A1CF: variants seen among roughly 807,000 people sequenced by gnomAD.
The protein encoded by A1CF is APOBEC1 complementation factor, also known as APOBEC-1 stimulating protein.
A neutral mutation model predicts 68.9 loss-of-function variants in A1CF; 48 were observed. That is an observed-to-expected ratio of 0.70 (90% CI 0.55 to 0.89). The LOEUF (loss-of-function observed/expected upper bound fraction) is 0.89, where lower values mean the gene tolerates loss of function less well. A1CF is among the 40% of genes least tolerant of loss of function. The pLI is 0.00. For synonymous variants in A1CF, 272 were observed against 260.4 expected (o/e 1.04, Z -0.43); for missense variants, 653 against 718.9 (o/e 0.91, Z 1.05).
chr10:50,862,925 T>C (rs569428033), intron 2 of A1CF: 1 of 152,214 alleles, frequency 6.6e-6, no homozygotes, highest in Non-Finnish European at 1.5e-5. Flanking sequence ...TCTGGCCAAG[T>C]TGTAGATTTG....
intron 12 of A1CF, among the ~76,000 whole-genome samples, chr10:50,809,665 G>A (rs1373383554): frequency 6.6e-6 from 1 of 152,110 alleles, no homozygotes; most frequent in East Asian, 1.9e-4. Flanking sequence ...AGATCACACA[G>A]CAGTTTAAAG....
chr10:50,815,915 A>G, intron 9 of A1CF, 91 bp downstream of exon 9: 2 of 1,426,098 alleles, frequency 1.4e-6, no homozygotes, highest in Non-Finnish European at 1.9e-6. Context: ...GCTTTTCTCC[A>G]AGTGGACCCA....
chr10:50,816,185 G>C lies in A1CF; in HGVS notation c.962C>G (p.Thr321Ser), dbSNP rs771671970. 28 of 1,613,636 alleles carry C rather than the reference G, an allele frequency of 1.7e-5. No individual in the cohort carries two copies. The Admixed American group carries it at 3.7e-4, about 21-fold the overall frequency. ...RYTRGTGGRG[T>S]MLQGEYTYSL... ...GTAGGTATACTCTCCTTGCAGCATG[G>C]TGCCCCTTCCACCTGTGCCTCGGGT... The change falls in exon 9 of 13, where the codon ACC (threonine) becomes AGC (serine). Residue 321 changes from threonine (T) to serine (S), a missense_variant. Coordinates refer to ENST00000373997, the MANE Select transcript of A1CF (RefSeq NM_014576.4).
At chr10:50,834,534 T>C (rs1220210327) in intron 6 of A1CF, among the ~76,000 whole-genome samples, 1 of 152,180 alleles carries the variant, frequency 6.6e-6, no homozygotes, top group Non-Finnish European at 1.5e-5. Flanking sequence ...GTAGCAAATA[T>C]GGTCATAAAA....
intron 1 of A1CF, among the ~76,000 whole-genome samples, chr10:50,864,431 C>G (rs1840886397): frequency 6.6e-6 from 1 of 152,152 alleles, no homozygotes; most frequent in African/African-American, 2.4e-5. Context: ...TATATCCCTT[C>G]TAACAATGGG....
intron 6 of A1CF, among the ~76,000 whole-genome samples, chr10:50,834,755 T>G (rs149864279): frequency 3.3e-5 from 5 of 152,146 alleles, no homozygotes; most frequent in Admixed American, 3.3e-4. Flanking sequence ...ATGTTCAGGA[T>G]GGAGAAGTCG....
At position 50,809,927 on chromosome 10, in the gene A1CF, C is replaced by T. The variant is rs779558102; in HGVS notation, c.1576G>A (p.Ala526Thr). 2 of 1,613,984 alleles carry T rather than the reference C, an allele frequency of 1.2e-6. No individual in the cohort carries two copies. Among genetic ancestry groups the T allele is most frequent in the Non-Finnish European group, 8.5e-7 (1 of 1,179,904 alleles). Residue 526 changes from alanine to threonine, a missense_variant, in exon 12 of 13, where the codon GCT becomes ACT. Transcript: ENST00000373997. ...IPTDGGDGTMATAAAAATAFP... is the reference protein window; with the variant it reads ...IPTDGGDGTMTTAAAAATAFP... ...GCAGTAGCAGCAGCAGCAGCAGTAG[C>T]CATGGTGCCATCGCCTCCATCAGTG...
At chr10:50,839,768 A>G (rs1839685997) in intron 5 of A1CF, among the ~76,000 whole-genome samples, 1 of 152,152 alleles carries the variant, frequency 6.6e-6, no homozygotes. Flanking sequence ...GTTTTTTGAG[A>G]CAGAGTTTCG....
chr10:50,850,712 C>CT (rs746114531), intron 3 of A1CF: 1 of 1,614,052 alleles, frequency 6.2e-7, no homozygotes, highest in African/African-American at 1.3e-5. Context: ...GCATTATTTC[C>CT]TTTTTTGAGG....
At chr10:50,884,824 C>A (rs1211008854) in intron 1 of A1CF, among the ~76,000 whole-genome samples, 10 of 151,992 alleles carry the variant, frequency 6.6e-5, no homozygotes, top group Non-Finnish European at 1.5e-4. Flanking sequence ...GGTAAATGTC[C>A]AGATTGATTT....
At chr10:50,861,445 A>G (rs556755614) in intron 2 of A1CF, among the ~76,000 whole-genome samples, 1 of 149,324 alleles carries the variant, frequency 6.7e-6, no homozygotes, top group Admixed American at 6.7e-5. Context: ...TAGGTATTCT[A>G]TTACTAAAGT....
intron 3 of A1CF, among the ~76,000 whole-genome samples, chr10:50,851,336 G>A (rs144248007): frequency 2.0e-5 from 3 of 152,272 alleles, no homozygotes; most frequent in Non-Finnish European, 4.4e-5. Context: ...AATGTTCATA[G>A]GATGTTTTGT....
At chr10:50,863,500 T>C (rs1472525733) in intron 2 of A1CF, among the ~76,000 whole-genome samples, 1 of 152,204 alleles carries the variant, frequency 6.6e-6, no homozygotes, top group Non-Finnish European at 1.5e-5. Flanking sequence ...CATGAGTATT[T>C]ATCACCTATT....
chr10:50,817,292 A>G (rs1838417484), intron 8 of A1CF, among the ~76,000 whole-genome samples: 1 of 152,212 alleles, frequency 6.6e-6, no homozygotes, highest in African/African-American at 2.4e-5. Context: ...GAACACTTTT[A>G]TGTAAAGTGT....
intron 1 of A1CF, among the ~76,000 whole-genome samples, chr10:50,868,603 C>A (rs1482911577): frequency 6.6e-6 from 1 of 151,978 alleles, no homozygotes; most frequent in Non-Finnish European, 1.5e-5. Context: ...AGCAAAAAAT[C>A]ATATATTAAT....
rs536763181 is a variant in A1CF at position 50,828,002 on chromosome 10, A to G, written c.769+129T>C. The G allele has an allele frequency of 1.2e-5, 7 of 574,220 alleles. No individual in the cohort carries two copies. The East Asian group carries it at 1.5e-4, about 13-fold the overall frequency. The allele number at this position is 574,220 out of a possible 1,614,324, so 35.6% of individuals were successfully genotyped here. A position where few individuals can be genotyped will look rare whatever the true frequency, so the allele number is the denominator to read the frequency against. ...ATACAAACTACCGTCAGAGAATACT[A>G]TAAACACCTCTATGCAAATAAACTA... On this transcript the variant is annotated intron_variant, in intron 7 of 12. Coordinates refer to ENST00000373997, the MANE Select transcript of A1CF (RefSeq NM_014576.4).
chr10:50,851,491 C>T (rs1564521564), intron 3 of A1CF, among the ~76,000 whole-genome samples: 1 of 152,040 alleles, frequency 6.6e-6, no homozygotes, highest in Non-Finnish European at 1.5e-5. Flanking sequence ...AAGCTTATAT[C>T]AAAAAGAAAA....
intron 1 of A1CF, among the ~76,000 whole-genome samples, chr10:50,876,417 G>A (rs1841515160): frequency 6.6e-6 from 1 of 152,214 alleles, no homozygotes; most frequent in Non-Finnish European, 1.5e-5. Context: ...TGTCAACACT[G>A]AAGATTGAGA....
At chr10:50,861,533 ATAT>A (rs1391672250) in intron 2 of A1CF, among the ~76,000 whole-genome samples, 1 of 148,420 alleles carries the variant, frequency 6.7e-6, no homozygotes, top group African/African-American at 2.4e-5. Flanking sequence ...AACAATAACA[ATAT>A]TATTAGGACT....
Sources: allele counts gnomAD v4.1 joint callset (sites outside exome capture counted in the v4.1 genomes callset), GRCh38; gene constraint gnomAD v4.1.1; transcripts MANE v1.5; gene names NCBI Gene and HGNC (gene_info 2026-07-23, HGNC 2026-07-21).